Variants in SATB1 observed in about 807,000 individuals in gnomAD.
The protein encoded by SATB1 is SATB homeobox 1.
SATB1 carries 11 observed loss-of-function variants against 86.9 expected under a neutral mutation model. The observed-to-expected ratio is 0.13, with a 90% CI of 0.08 to 0.21. The LOEUF is 0.21. Ranked by LOEUF, SATB1 falls within the 10% of genes least tolerant of loss-of-function variation. The probability of loss-of-function intolerance (pLI) is 1.00; values close to 1 mark genes in which losing one functional copy is unlikely to be tolerated. For synonymous variants in SATB1, 357 were observed against 357.2 expected (o/e 1.00, Z 0.01); for missense variants, 551 against 937.6 (o/e 0.59, Z 5.39).
chr3:18,389,654 C>T (rs947025088), intron 7 of SATB1, among the ~76,000 whole-genome samples: 9 of 151,990 alleles, frequency 5.9e-5, no homozygotes, highest in African/African-American at 2.2e-4. Context: ...ATGAAAAGGC[C>T]ATCATGTACC....
upstream of SATB1, among the ~76,000 whole-genome samples, chr3:18,427,744 G>A (rs931764511): frequency 2.0e-5 from 3 of 152,124 alleles, no homozygotes; most frequent in Non-Finnish European, 2.9e-5. Flanking sequence ...ATGAAAGTAT[G>A]TAATAAGGAC....
At chr3:18,438,496 C>G (rs1390979465) in intron 1 of SATB1, 1 of 152,208 alleles carries the variant, frequency 6.6e-6, no homozygotes, top group African/African-American at 2.4e-5. Flanking sequence ...CACTCAATGC[C>G]TATCTGTCAC....
intron 2 of SATB1, among the ~76,000 whole-genome samples, chr3:18,434,322 T>G (rs1380447874): frequency 6.6e-6 from 1 of 152,042 alleles, no homozygotes; most frequent in Non-Finnish European, 1.5e-5. Flanking sequence ...AACCAAATCT[T>G]GTGGCATTCT....
chr3:18,428,936 A>G (rs545466182), upstream of SATB1, among the ~76,000 whole-genome samples: 3 of 152,234 alleles, frequency 2.0e-5, no homozygotes, highest in Non-Finnish European at 4.4e-5. Context: ...AGATATAGCA[A>G]CTCCGCCAGT....
At chr3:18,360,097 C>G (rs1038487332) in intron 9 of SATB1, among the ~76,000 whole-genome samples, 1 of 152,104 alleles carries the variant, frequency 6.6e-6, no homozygotes, top group African/African-American at 2.4e-5. Context: ...CCAGAGTTTT[C>G]AAGAAGAATA....
At chr3:18,438,934 C>T (rs572462077), upstream of SATB1, among the ~76,000 whole-genome samples, 1 of 152,344 alleles carries the variant, frequency 6.6e-6, no homozygotes, top group Non-Finnish European at 1.5e-5. Context: ...ATTTCAGCCT[C>T]ATCTGGGGAC....
At chr3:18,442,243 A>G (rs1458625221), upstream of SATB1, among the ~76,000 whole-genome samples, 3 of 151,354 alleles carry the variant, frequency 2.0e-5, no homozygotes, top group Non-Finnish European at 2.9e-5. Flanking sequence ...CCTATTCGTT[A>G]TTTTTTCATA....
chr3:18,360,130 A>G (rs1694836546), intron 9 of SATB1, among the ~76,000 whole-genome samples: 1 of 152,148 alleles, frequency 6.6e-6, no homozygotes, highest in African/African-American at 2.4e-5. Flanking sequence ...CATCACACAG[A>G]GTTGATGTGA....
At chr3:18,419,590 A>G (rs1698287297) in intron 2 of SATB1, among the ~76,000 whole-genome samples, 1 of 152,200 alleles carries the variant, frequency 6.6e-6, no homozygotes, top group Non-Finnish European at 1.5e-5. Flanking sequence ...AGGCGTCAGA[A>G]AGTCTTTTTT....
At chr3:18,434,451 GTT>G (rs956671681) in intron 2 of SATB1, among the ~76,000 whole-genome samples, 15 of 152,002 alleles carry the variant, frequency 9.9e-5, no homozygotes, top group Non-Finnish European at 1.6e-4. Flanking sequence ...ATATTTGCAT[GTT>G]ATACAAGAGA....
chr3:18,349,324 T>A lies in SATB1; in HGVS notation c.2138A>T (p.Glu713Val). 6.2e-7 allele frequency: 1 copy of A among 1,614,206 alleles called. No individual in the cohort carries two copies. The highest frequency in any genetic ancestry group is 8.5e-7 in the Non-Finnish European group (1 of 1,180,034). ...TTCTTTATATTCTGCCACATCGACC[T>A]CTAAACCGGAATTGTCCTTCAGTTT... ...HGKLKDNSGL[E>V]VDVAEYKEEE... The change falls in exon 11 of 11, where the codon GAG becomes GTG. Residue 713 changes from glutamate (E) to valine (V), a missense_variant. Physicochemically the swap from Glu to Val is moderately radical, Grantham distance 121. Coordinates refer to ENST00000338745, the MANE Select transcript of SATB1 (RefSeq NM_002971.6). The surrounding 1 kb of genome is among the most constrained non-coding windows in gnomAD (Gnocchi z 5.5).
chr3:18,445,319 C>A lies in SATB1; in HGVS notation c.-25+199G>T, dbSNP rs951384266. The A allele has an allele frequency of 1.6e-5, 16 of 984,676 alleles. No homozygotes were observed. The African/African-American group carries it at 2.1e-4, about 13-fold the overall frequency. 61.0% of individuals were successfully genotyped at this position (984,676 alleles called of 1,614,324 possible). ...CGCCGCCGCCGCCGCTGCTGCGCAC[C>A]GCTCCCGGGCTCCCTCCCAGCGCGC... On this transcript the variant is annotated intron_variant, in intron 1 of 3. Transcript: ENST00000415069.
intron 10 of SATB1, 45 bp downstream of exon 10, chr3:18,351,947 C>G: frequency 6.3e-7 from 1 of 1,578,848 alleles, no homozygotes; most frequent in Non-Finnish European, 8.7e-7. Context: ...AAGTTTAAAG[C>G]TTTATTTACT....
rs1464886968 is a variant in SATB1, at chr3:18,444,073, G to C, written c.-25+1445C>G. On this transcript the variant is annotated intron_variant, in intron 1 of 3. Coordinates refer to the SATB1 transcript ENST00000415069. The surrounding 1 kb of genome is among the most constrained non-coding windows in gnomAD (Gnocchi z 5.1). ...ACAATCAGCCGCGCAGGCAGGGAGC[G>C]GAGGGAGGCGGAGATGGACCGGGAA... is the stretch of plus-strand genomic sequence containing the variant. Among the ~76,000 whole-genome samples, 1 of 152,108 alleles carries C rather than the reference G, an allele frequency of 6.6e-6. No homozygotes were observed. The highest frequency in any genetic ancestry group is 1.5e-5 in the Non-Finnish European group (1 of 68,016).
Position 18,444,512 on chromosome 3 carries a change from T to C in SATB1, c.-25+1006A>G, listed in dbSNP as rs1279087266. 13 of 904,610 alleles carry C rather than the reference T, an allele frequency of 1.4e-5. No individual in the cohort carries two copies. Among genetic ancestry groups the C allele is most frequent in the Non-Finnish European group, 1.6e-5 (12 of 756,542 alleles). 56.0% of individuals were successfully genotyped at this position (904,610 alleles called of 1,614,324 possible). On this transcript the variant is annotated intron_variant, in intron 1 of 3. Transcript: ENST00000415069. This position sits in a 1 kb window ranked among gnomAD's most constrained non-coding sequence, Gnocchi z 5.1. Reference sequence around the variant, plus strand: ...CCAATAGGGGACGAGGAGTGGGTGCTACGGAGAAGTTTGGATTGATTCCGG... The same window carrying C: ...CCAATAGGGGACGAGGAGTGGGTGCCACGGAGAAGTTTGGATTGATTCCGG...
intron 2 of SATB1, among the ~76,000 whole-genome samples, chr3:18,420,238 T>C (rs1026407570): frequency 6.6e-6 from 1 of 152,104 alleles, no homozygotes; most frequent in African/African-American, 2.4e-5. Context: ...AAAACAAAAA[T>C]AAAAAACTAG....
chr3:18,388,303 T>C (rs1187592065), intron 7 of SATB1, among the ~76,000 whole-genome samples: 1 of 152,006 alleles, frequency 6.6e-6, no homozygotes, highest in African/African-American at 2.4e-5. Context: ...TGTGCCATAT[T>C]GAAAGTAAAA....
At chr3:18,369,161 T>C (rs62238546) in intron 9 of SATB1, among the ~76,000 whole-genome samples, 2 of 112,312 alleles carry the variant, frequency 1.8e-5, no homozygotes, top group Admixed American at 1.1e-4. Flanking sequence ...CAACTTTGCA[T>C]TAAAAAAAAA....
At chr3:18,358,690 C>T (rs73175986) in intron 9 of SATB1, among the ~76,000 whole-genome samples, 2,255 of 151,818 alleles carry the variant, frequency 0.015, 55 homozygotes, top group African/African-American at 0.051. Context: ...TGTATGTATC[C>T]CCCAATATGT....
Sources: gnomAD v4.1 joint callset for allele counts (sites outside exome capture counted in the v4.1 genomes callset) on GRCh38, gnomAD v4.1.1 for gene constraint, Gnocchi (gnomAD v3.1) non-coding constraint, MANE v1.5 for transcripts, NCBI Gene and HGNC (gene_info 2026-07-23, HGNC 2026-07-21) for gene names.